The following PABPC4L variants were observed in gnomAD, a reference collection of about 807,000 sequenced individuals.
PABPC4L encodes the protein polyadenylate-binding protein 4-like.
For synonymous variants in PABPC4L, 169 were observed against 164.1 expected, an observed-to-expected ratio of 1.03 and a Z score of -0.23; for missense variants, 452 against 451.4, an observed-to-expected ratio of 1.00 and a Z score of -0.01.
the PABPC4L span, among the ~76,000 whole-genome samples, chr4:134,176,241 A>C: frequency 6.5e-3 from 990 of 152,164 alleles, 10 homozygotes; most frequent in African/African-American, 0.022. Flanking sequence ...AGAAAACTCA[A>C]GTTATATTAA....
the PABPC4L span, among the ~76,000 whole-genome samples, chr4:134,051,621 A>C: frequency 6.6e-6 from 1 of 152,086 alleles, no homozygotes; most frequent in African/African-American, 2.4e-5. Context: ...GCATTGAAAA[A>C]ATCTTTAAAG....
chr4:134,154,856 T>A, the PABPC4L span, among the ~76,000 whole-genome samples: 1 of 152,220 alleles, frequency 6.6e-6, no homozygotes, highest in South Asian at 2.1e-4. Context: ...TTAACATTTT[T>A]GTTGCTTAAT....
At chr4:134,043,677 G>GA in the PABPC4L span, among the ~76,000 whole-genome samples, 39 of 144,024 alleles carry the variant, frequency 2.7e-4, no homozygotes, top group South Asian at 2.2e-3. Context: ...TTTTTTAAAA[G>GA]AAAAAACAAA....
the PABPC4L span, among the ~76,000 whole-genome samples, chr4:134,071,028 G>A: frequency 2.0e-5 from 3 of 152,166 alleles, no homozygotes; most frequent in Non-Finnish European, 2.9e-5. Context: ...GAGGGCTTCA[G>A]ACAGGCTGGA....
chr4:134,118,264 T>C, the PABPC4L span, among the ~76,000 whole-genome samples: 1 of 151,804 alleles, frequency 6.6e-6, no homozygotes, highest in African/African-American at 2.4e-5. Flanking sequence ...CAACTTTCCT[T>C]GGAAAGTCAT....
the PABPC4L span, among the ~76,000 whole-genome samples, chr4:133,963,142 G>A: frequency 1.3e-5 from 2 of 151,994 alleles, no homozygotes; most frequent in South Asian, 4.1e-4. Context: ...TAAAAGAATG[G>A]AAAAGGCATT....
chr4:134,109,304 G>A, the PABPC4L span, among the ~76,000 whole-genome samples: 1 of 151,656 alleles, frequency 6.6e-6, no homozygotes, highest in Non-Finnish European at 1.5e-5. Flanking sequence ...AACATTTGGT[G>A]GCTTTTAGAG....
the PABPC4L span, among the ~76,000 whole-genome samples, chr4:133,949,024 A>T: frequency 6.6e-6 from 1 of 152,144 alleles, no homozygotes; most frequent in Non-Finnish European, 1.5e-5. Flanking sequence ...ATCTATTCCT[A>T]ATCCATACCT....
the PABPC4L span, among the ~76,000 whole-genome samples, chr4:133,991,007 G>A: frequency 6.6e-6 from 1 of 151,872 alleles, no homozygotes; most frequent in Admixed American, 6.6e-5. Context: ...TCTGTTTTTT[G>A]TTTGTTTGTT....
the PABPC4L span, among the ~76,000 whole-genome samples, chr4:134,068,963 G>T: frequency 6.6e-6 from 1 of 152,076 alleles, no homozygotes; most frequent in South Asian, 2.1e-4. Flanking sequence ...AACCACCTGG[G>T]ACTCCCAAAG....
At chr4:134,116,627 C>T in the PABPC4L span, among the ~76,000 whole-genome samples, 1 of 151,692 alleles carries the variant, frequency 6.6e-6, no homozygotes, top group Admixed American at 6.6e-5. Flanking sequence ...TTTTGTTTTA[C>T]TCAAACTACT....
chr4:134,189,395 T>A, the PABPC4L span, among the ~76,000 whole-genome samples: 7 of 151,568 alleles, frequency 4.6e-5, no homozygotes, highest in African/African-American at 1.7e-4. Context: ...GACAGGCAGA[T>A]GTGTGTACAC....
Position 134,201,320 on chromosome 4 carries a change from C to A in PABPC4L, c.-226-75G>T. On this transcript the variant is annotated intron_variant, in intron 1 of 1. Transcript: ENST00000421491. ...AGATTTGTGAGAAAACTTCAAGTGG[C>A]GGGCTGGCCCTCCATCTGAGCATTC... The A allele has an allele frequency of 3.0e-6, 4 of 1,319,736 alleles. No homozygotes were observed. In the South Asian group the frequency reaches 5.5e-5, roughly 18 times the overall value. 81.8% of individuals were successfully genotyped at this position (1,319,736 alleles called of 1,614,324 possible). A position where few individuals can be genotyped will look rare whatever the true frequency, so the allele number is the denominator to read the frequency against.
the PABPC4L span, among the ~76,000 whole-genome samples, chr4:134,070,075 G>A: frequency 5.5e-5 from 8 of 144,160 alleles, no homozygotes; most frequent in African/African-American, 2.1e-4. Flanking sequence ...TACATTTCCA[G>A]ACATTTTTAG....
At chr4:134,024,004 A>G in the PABPC4L span, among the ~76,000 whole-genome samples, 1 of 152,214 alleles carries the variant, frequency 6.6e-6, no homozygotes, top group African/African-American at 2.4e-5. Flanking sequence ...TAACAAAAAT[A>G]CATTAAGTAG....
chr4:133,992,685 C>T, the PABPC4L span, among the ~76,000 whole-genome samples: 25 of 152,086 alleles, frequency 1.6e-4, no homozygotes, highest in African/African-American at 2.4e-4. Context: ...GTAGCAGGTA[C>T]GGGTTGCAGA....
chr4:134,126,066 C>A, the PABPC4L span, among the ~76,000 whole-genome samples: 1 of 152,028 alleles, frequency 6.6e-6, no homozygotes, highest in Non-Finnish European at 1.5e-5. Flanking sequence ...GACTTATATT[C>A]TTTAATAAGT....
the PABPC4L span, among the ~76,000 whole-genome samples, chr4:133,983,901 C>T: frequency 6.6e-6 from 1 of 151,738 alleles, no homozygotes. Context: ...TTTTGGAATA[C>T]AAATATTCTT....
chr4:134,186,838 A>G, the PABPC4L span, among the ~76,000 whole-genome samples: 1 of 152,140 alleles, frequency 6.6e-6, no homozygotes, highest in Non-Finnish European at 1.5e-5. Context: ...ACTTAAACAA[A>G]TTTACATGAA....
Sources: gnomAD v4.1 joint callset for allele counts (sites outside exome capture counted in the v4.1 genomes callset) on GRCh38, gnomAD v4.1.1 for gene constraint, MANE v1.5 for transcripts, NCBI Gene and HGNC (gene_info 2026-07-23, HGNC 2026-07-21) for gene names.